Variants in NIN observed in about 807,000 individuals in gnomAD.
The protein encoded by NIN is glycogen synthase kinase 3 beta-interacting protein.
Under a neutral mutation model 257.6 loss-of-function variants are expected in NIN, and 137 were observed. That is an observed-to-expected ratio of 0.53 (90% CI 0.46 to 0.61). The LOEUF (loss-of-function observed/expected upper bound fraction) is 0.61, where lower values mean the gene tolerates loss of function less well. Ranked by LOEUF, NIN falls within the 20% of genes least tolerant of loss-of-function variation. The pLI is 0.00. For missense variants in NIN, 2,439 were observed against 2,501.2 expected (o/e 0.98, Z 0.53); for synonymous variants, 918 against 919.8 (o/e 1.00, Z 0.04).
At chr14:50,752,793 AAAAAC>A (rs1326614359) in intron 20 of NIN, 60 bp from the exon 21 acceptor site, 7 of 976,504 alleles carry the variant, frequency 7.2e-6, no homozygotes, top group Non-Finnish European at 9.1e-6. Flanking sequence ...AAAAAAAAAA[AAAAAC>A]AGATTTAGAG....
At chr14:50,804,063 T>C (rs879493279) in intron 4 of NIN, among the ~76,000 whole-genome samples, 5 of 152,096 alleles carry the variant, frequency 3.3e-5, no homozygotes, top group Non-Finnish European at 7.4e-5. Context: ...ACCTGGCTAA[T>C]TTTTTGTATT....
intron 27 of NIN, among the ~76,000 whole-genome samples, chr14:50,737,121 G>A (rs1320627200): frequency 2.6e-5 from 4 of 152,202 alleles, no homozygotes; most frequent in Non-Finnish European, 5.9e-5. Context: ...CAGCAGAAAT[G>A]TTGGTATGTC....
At chr14:50,769,834 T>TA (rs1240336609) in intron 12 of NIN, among the ~76,000 whole-genome samples, 1 of 152,048 alleles carries the variant, frequency 6.6e-6, no homozygotes, top group African/African-American at 2.4e-5. Flanking sequence ...TCCCAGCTAC[T>TA]TGGCAGGCCG....
chr14:50,794,493 G>A lies in NIN; in HGVS notation c.266-1612C>T, dbSNP rs893819741. 11 of 998,864 alleles carry A rather than the reference G, an allele frequency of 1.1e-5. No homozygotes were observed. The African/African-American group carries it at 1.2e-4, about 11-fold the overall frequency. The allele number at this position is 998,864 out of a possible 1,614,324, so 61.9% of individuals were successfully genotyped here. ...CCATTCAGGAGCGGCCCAGACACCC[G>A]AGCTACTTGTTGGCAGCTGACACCC... is the stretch of plus-strand genomic sequence containing the variant. On this transcript the variant is annotated intron_variant, in intron 4 of 30. Transcript: ENST00000530997.
At chr14:50,777,163 C>T (rs371690615) in intron 6 of NIN, 24 bp from the exon 7 acceptor site, 84 of 1,543,454 alleles carry the variant, frequency 5.4e-5, no homozygotes, top group Non-Finnish European at 7.0e-5. Flanking sequence ...ATATGTTGCA[C>T]GGTTTCCAAA....
Position 50,721,444 on chromosome 14 carries a change from T to C in NIN, c.*2019A>G. ...AAGGCCAGCTATCTGGGAAATATTA[T>C]TGTTCAGTTCCAACAGCAATAACTT... On this transcript the variant is annotated 3_prime_UTR_variant, in exon 31 of 31. Transcript: ENST00000530997. 4.6e-6 allele frequency: 1 copy of C among 216,810 alleles called. No homozygotes were observed. Among genetic ancestry groups the C allele is most frequent in the East Asian group, 6.8e-5 (1 of 14,618 alleles). 13.4% of individuals were successfully genotyped at this position (216,810 alleles called of 1,614,324 possible).
intron 3 of NIN, among the ~76,000 whole-genome samples, chr14:50,811,394 C>G (rs1390457087): frequency 6.6e-6 from 1 of 151,366 alleles, no homozygotes; most frequent in South Asian, 2.1e-4. Context: ...CAGGTGTGAG[C>G]CATCGCGCCC....
Position 50,757,781 on chromosome 14 carries a change from T to G in NIN, c.3249A>C (p.Lys1083Asn). The change falls in exon 18 of 31, where the codon AAA becomes AAC. Residue 1083 changes from lysine to asparagine, a missense_variant. This residue lies in a region of NIN where 2,043 missense variants were observed against 2,050.2 expected (regional missense o/e 1.00). Coordinates refer to ENST00000530997, the MANE Select transcript of NIN (RefSeq NM_020921.4). ...GCAATCTAGAAATTTCAGTAGCCAT[T>G]TTCACATTTTCCTTCACTGCCTGTT... is the stretch of plus-strand genomic sequence containing the variant. ...AHEQAVKENV[K>N]MATEISRLQQ... 6.2e-7 allele frequency: 1 copy of G among 1,614,150 alleles called. No homozygotes were observed.
rs753155848 is a variant in NIN at position 50,761,859 on chromosome 14, C to G, written c.1827G>C (p.Leu609=). 214 of 1,614,124 alleles carry G rather than the reference C, an allele frequency of 1.3e-4. 5 individuals carry two copies. The South Asian group carries it at 2.0e-3, about 15-fold the overall frequency. The change falls in exon 16 of 31, where the codon CTG becomes CTC. Residue 609 remains leucine (L), a synonymous_variant. Transcript: ENST00000530997. The part of the protein sequence containing the change: ...NPLNMSIEAE[L]VIEQMKEQHH... The stretch of plus-strand genomic sequence containing the variant: ...GTTGTTCTTTCATCTGTTCAATGAC[C>G]AGCTCTGCCTCAATGCTCATATTCA...
Position 50,772,357 on chromosome 14 carries a change from T to C in NIN, c.925A>G (p.Arg309Gly), listed in dbSNP as rs1162492442. The C allele has an allele frequency of 6.2e-7, 1 of 1,613,790 alleles. No homozygotes were observed. Among genetic ancestry groups the C allele is most frequent in the Non-Finnish European group, 8.5e-7 (1 of 1,179,746 alleles). The change falls in exon 9 of 31, where the codon AGA becomes GGA. Residue 309 changes from arginine to glycine, a missense_variant. Physicochemically the swap from Arg to Gly is moderately radical, Grantham distance 125. Around this residue, in one of 3 missense-constraint regions of NIN, gnomAD observed 387 missense variants for 427.3 expected, o/e 0.91. Coordinates refer to ENST00000530997, the MANE Select transcript of NIN (RefSeq NM_020921.4). The part of the protein sequence containing the change: ...DDGMGHASVE[R>G]ILDTWQEEGI... ...TCTTCCTGCCAGGTGTCCAGTATTC[T>C]CTCCACAGATGCATGGCCCATCCCA...
chr14:50,770,877 C>T lies in NIN; in HGVS notation c.1234G>A (p.Glu412Lys). The change falls in exon 11 of 31, where the codon GAG becomes AAG. Residue 412 changes from glutamate to lysine, a missense_variant. Glu to Lys is a moderately conservative substitution (Grantham distance 56). Transcript: ENST00000530997. ...SEVDDHHAAI[E>K]RRNEYNLRKL... ...CTGAGGTTGTACTCATTCCGCCGCT[C>T]TATGGCCGCATGGTGATCATCCACC... The T allele has an allele frequency of 1.2e-6, 2 of 1,614,076 alleles. No homozygotes were observed. Among genetic ancestry groups the T allele is most frequent in the Non-Finnish European group, 1.7e-6 (2 of 1,179,994 alleles).
chr14:50,820,287 C>T (rs1345737679), intron 3 of NIN, among the ~76,000 whole-genome samples: 1 of 152,136 alleles, frequency 6.6e-6, no homozygotes, highest in Non-Finnish European at 1.5e-5. Flanking sequence ...TAACTGCTCC[C>T]TGTTTGAGTC....
chr14:50,800,767 G>A (rs1213121692), intron 4 of NIN, among the ~76,000 whole-genome samples: 1 of 142,376 alleles, frequency 7.0e-6, no homozygotes, highest in Non-Finnish European at 1.5e-5. Flanking sequence ...GTAGTGGTTT[G>A]CTTTGCTTTT....
intron 30 of NIN, 49 bp from the exon 31 acceptor site, chr14:50,723,721 T>G (rs759136457): frequency 1.3e-6 from 2 of 1,535,134 alleles, no homozygotes; most frequent in African/African-American, 2.7e-5. Context: ...TAACTCTTCT[T>G]AAACCTTCAG....
chr14:50,791,910 G>C (rs2043613597), intron 5 of NIN: 1 of 151,856 alleles, frequency 6.6e-6, no homozygotes, highest in African/African-American at 2.4e-5. Flanking sequence ...ATTTATATTA[G>C]TATCTGAAAT....
chr14:50,789,207 A>G (rs969399166), intron 5 of NIN, among the ~76,000 whole-genome samples: 2 of 152,202 alleles, frequency 1.3e-5, no homozygotes, highest in Admixed American at 1.3e-4. Context: ...TAAATTCCCA[A>G]CATCCCCAAA....
At chr14:50,810,470 C>T (rs368523205) in intron 3 of NIN, among the ~76,000 whole-genome samples, 6 of 152,072 alleles carry the variant, frequency 3.9e-5, no homozygotes, top group Non-Finnish European at 7.4e-5. Context: ...AATAAGAGAA[C>T]TGCTTGAGGC....
Position 50,757,991 on chromosome 14 carries a change from G to A in NIN, c.3039C>T (p.Ser1013=), listed in dbSNP as rs1205577049. 1 of 1,614,072 alleles carries A rather than the reference G, an allele frequency of 6.2e-7. No homozygotes were observed. The highest frequency in any genetic ancestry group is 8.5e-7 in the Non-Finnish European group (1 of 1,180,046). The change falls in exon 18 of 31, where the codon TCC becomes TCT. Residue 1013 remains serine (S), a synonymous_variant. Coordinates refer to ENST00000530997, the MANE Select transcript of NIN (RefSeq NM_020921.4). ...RERAEMSTEI[S]RLQSKIKEMQ... ...TTTCCTTTATTTTACTCTGAAGTCT[G>A]GAGATTTCTGTGCTCATCTCGGCTC...
At chr14:50,822,682 G>T (rs2045282397) in intron 2 of NIN, among the ~76,000 whole-genome samples, 1 of 152,160 alleles carries the variant, frequency 6.6e-6, no homozygotes, top group South Asian at 2.1e-4. Flanking sequence ...AAATGAACAC[G>T]ACGTCTGCTA....
Sources: allele counts gnomAD v4.1 joint callset (sites outside exome capture counted in the v4.1 genomes callset), GRCh38; gene constraint gnomAD v4.1.1; regional missense constraint gnomAD v4.1.1; transcripts MANE v1.5; gene names NCBI Gene and HGNC (gene_info 2026-07-23, HGNC 2026-07-21).